Variants in CALB2 observed in about 807,000 individuals in gnomAD.
The protein encoded by CALB2 is calbindin 2.
A neutral mutation model predicts 45.9 loss-of-function variants in CALB2; 34 were observed. The observed-to-expected ratio is 0.74, with a 90% CI of 0.56 to 0.99. The LOEUF is 0.99. Among genes scored for constraint, CALB2 ranks in the 50% least tolerant of loss-of-function variants. CALB2 has a pLI of 0.00. For missense variants in CALB2, 344 were observed against 339.3 expected (o/e 1.01, Z -0.11); for synonymous variants, 142 against 129.6 (o/e 1.10, Z -0.65).
chr16:71,374,462 G>C (rs143178089), intron 2 of CALB2, among the ~76,000 whole-genome samples: 1 of 152,158 alleles, frequency 6.6e-6, no homozygotes. Context: ...TAGAGTTGTA[G>C]CTTAATCCAT....
Position 71,384,815 on chromosome 16 carries a change from G to T in CALB2, c.606G>T (p.Ala202=). ...GMKLTSEEFN[A]IFTFYDKDRS... ...AGCTGACCTCAGAGGAGTTTAACGCGATCTTCACATTTTACGACAAGGTAA... is the reference window on the plus strand; with the variant it reads ...AGCTGACCTCAGAGGAGTTTAACGCTATCTTCACATTTTACGACAAGGTAA... The change falls in exon 9 of 11, where the codon GCG becomes GCT. Residue 202 remains alanine, a synonymous_variant. Coordinates refer to ENST00000302628, the MANE Select transcript of CALB2 (RefSeq NM_001740.5). The T allele has an allele frequency of 2.5e-6, 4 of 1,611,244 alleles. No individual in the cohort carries two copies. The highest frequency in any genetic ancestry group is 1.3e-5 in the African/African-American group (1 of 74,406).
chr16:71,381,508 A>G (rs2042491216), intron 4 of CALB2, among the ~76,000 whole-genome samples: 1 of 152,170 alleles, frequency 6.6e-6, no homozygotes, highest in Non-Finnish European at 1.5e-5. Context: ...CATTTTCCGT[A>G]AAATATAACT....
At chr16:71,382,909 T>C in intron 5 of CALB2, 134 bp downstream of exon 5, 1 of 763,306 alleles carries the variant, frequency 1.3e-6, no homozygotes, top group Non-Finnish European at 2.1e-6. Context: ...CACTGAATTG[T>C]TGGACTTGTT....
At position 71,383,356 on chromosome 16, in the gene CALB2, T is replaced by C; in HGVS notation, c.400-11T>C. ...GAGTCAGGAGTACTAAAGAGGCCTT[T>C]TGTGTTGCAGGGATTCCTGTCAGAC... is the stretch of plus-strand genomic sequence containing the variant. On this transcript the variant is annotated splice_polypyrimidine_tract_variant and intron_variant, in intron 5 of 10. Transcript: ENST00000302628. 2 of 1,613,808 alleles carry C rather than the reference T, an allele frequency of 1.2e-6. No homozygotes were observed. The highest frequency in any genetic ancestry group is 1.7e-6 in the Non-Finnish European group (2 of 1,179,790).
At chr16:71,370,682 A>G (rs1041341320) in intron 1 of CALB2, among the ~76,000 whole-genome samples, 1 of 152,122 alleles carries the variant, frequency 6.6e-6, no homozygotes, top group Non-Finnish European at 1.5e-5. Flanking sequence ...GATCACACTT[A>G]TGAATAGTGC....
rs1267961384 is a variant in CALB2, at chr16:71,384,648, C to A, written c.574-135C>A. On this transcript the variant is annotated intron_variant, in intron 8 of 10. Transcript: ENST00000302628. ...ACACAGAGACATCACACACACCACA[C>A]AGACCACACACCACACACACAACAC... is the stretch of plus-strand genomic sequence containing the variant. 0.011 allele frequency: 34 copies of A among 3,134 alleles called. No individual in the cohort carries two copies. In the East Asian group the frequency reaches 0.15, roughly 14 times the overall value. 0.2% of individuals were successfully genotyped at this position (3,134 alleles called of 1,614,324 possible).
Position 71,374,801 on chromosome 16 carries a change from T to C in CALB2, c.228T>C (p.Asp76=), listed in dbSNP as rs781329253. The C allele has an allele frequency of 1.2e-6, 2 of 1,613,336 alleles. No individual in the cohort carries two copies. Among genetic ancestry groups the C allele is most frequent in the South Asian group, 1.1e-5 (1 of 91,016 alleles). The change falls in exon 3 of 11, where the codon GAT becomes GAC. Residue 76 remains aspartate (D), a synonymous_variant. Coordinates refer to ENST00000302628, the MANE Select transcript of CALB2 (RefSeq NM_001740.5). ...EKMKEFMQKY[D]KNSDGKIEMA... ...TGAAGGAGTTCATGCAGAAGTATGA[T>C]AAAAACTCAGATGGGAAAATCGAGA...
At chr16:71,380,156 G>A (rs9935618) in intron 4 of CALB2, among the ~76,000 whole-genome samples, 30 of 151,752 alleles carry the variant, frequency 2.0e-4, no homozygotes, top group Non-Finnish European at 4.3e-4. Context: ...CACCTTGTAG[G>A]GGGGGCAGGG....
At chr16:71,385,456 C>T in intron 9 of CALB2, 121 bp from the exon 10 acceptor site, 1 of 695,568 alleles carries the variant, frequency 1.4e-6, no homozygotes, top group Non-Finnish European at 2.4e-6. Flanking sequence ...ATTACACGAT[C>T]TGAACACCCC....
intron 10 of CALB2, among the ~76,000 whole-genome samples, chr16:71,387,659 C>A (rs563796161): frequency 1.1e-4 from 17 of 152,132 alleles, no homozygotes; most frequent in Non-Finnish European, 2.1e-4. Flanking sequence ...TTAAGTGAAA[C>A]TTATAGGAAG....
At chr16:71,379,053 G>A (rs2042452815) in intron 4 of CALB2, among the ~76,000 whole-genome samples, 1 of 152,114 alleles carries the variant, frequency 6.6e-6, no homozygotes, top group Non-Finnish European at 1.5e-5. Flanking sequence ...AAGGCAGGTG[G>A]ATCACTTGAG....
In CALB2 at chr16:71,377,670, G is replaced by C. The variant is rs752986143; in HGVS notation, c.265G>C (p.Ala89Pro). The C allele has an allele frequency of 6.2e-7, 1 of 1,612,956 alleles. No individual in the cohort carries two copies. The highest frequency in any genetic ancestry group is 8.5e-7 in the Non-Finnish European group (1 of 1,179,092). The stretch of plus-strand genomic sequence containing the variant: ...GTCGCTCTCTGTATCTTCACAGCTG[G>C]CGCAGATCCTGCCAACCGAAGAGAA... ...SDGKIEMAEL[A>P]QILPTEENFL... The change falls in exon 4 of 11, where the codon GCG becomes CCG. Residue 89 changes from alanine to proline, a missense_variant. By Grantham distance (27) the Ala-to-Pro change is conservative. Coordinates refer to ENST00000302628, the MANE Select transcript of CALB2 (RefSeq NM_001740.5).
intron 1 of CALB2, among the ~76,000 whole-genome samples, chr16:71,369,146 C>A (rs1408815719): frequency 1.3e-5 from 2 of 152,158 alleles, no homozygotes; most frequent in African/African-American, 4.8e-5. Context: ...GGGCGGGAAG[C>A]ACAAACAGCA....
intron 9 of CALB2, 25 bp downstream of exon 9, chr16:71,384,861 G>C: frequency 6.2e-7 from 1 of 1,607,790 alleles, no homozygotes; most frequent in Non-Finnish European, 8.5e-7. Flanking sequence ...TGGCATGGCA[G>C]GGAAAATCAG....
chr16:71,359,990 A>C (rs1323157275), intron 1 of CALB2, among the ~76,000 whole-genome samples: 1 of 152,228 alleles, frequency 6.6e-6, no homozygotes, highest in Admixed American at 6.5e-5. Flanking sequence ...CAAGTTCTTA[A>C]CCACTGCACT....
chr16:71,372,924 C>A (rs912823475), intron 2 of CALB2, among the ~76,000 whole-genome samples: 1 of 152,190 alleles, frequency 6.6e-6, no homozygotes, highest in South Asian at 2.1e-4. Flanking sequence ...CTGAACCAGA[C>A]GGCACTGGCT....
At chr16:71,385,385 T>C in intron 9 of CALB2, 192 bp from the exon 10 acceptor site, 1 of 486,284 alleles carries the variant, frequency 2.1e-6, no homozygotes. Flanking sequence ...ACCCAAAGCT[T>C]GCACCCACTG....
At chr16:71,365,681 T>C (rs2042276371) in intron 1 of CALB2, among the ~76,000 whole-genome samples, 2 of 152,120 alleles carry the variant, frequency 1.3e-5, no homozygotes, top group South Asian at 4.2e-4. Flanking sequence ...ATGCTACTGG[T>C]CCACAGACTG....
intron 1 of CALB2, among the ~76,000 whole-genome samples, chr16:71,370,515 C>T (rs941675070): frequency 2.0e-5 from 3 of 152,068 alleles, no homozygotes; most frequent in Non-Finnish European, 4.4e-5. Context: ...TTAGTTCACA[C>T]CCCAAACAAA....
Sources: allele counts gnomAD v4.1 joint callset (sites outside exome capture counted in the v4.1 genomes callset), GRCh38; gene constraint gnomAD v4.1.1; transcripts MANE v1.5; gene names NCBI Gene and HGNC (gene_info 2026-07-23, HGNC 2026-07-21).